Variants in LHFPL6 observed in about 807,000 individuals in gnomAD.
LHFPL6 encodes LHFPL tetraspan subfamily member 6 protein.
A neutral mutation model predicts 20.6 loss-of-function variants in LHFPL6; 9 were observed. The ratio of observed to expected loss-of-function variants is 0.44; its 90% confidence interval spans 0.26 to 0.76. LHFPL6 has a LOEUF of 0.76. Ranked by LOEUF, LHFPL6 falls within the 30% of genes least tolerant of loss-of-function variation. The probability of loss-of-function intolerance (pLI) is 0.20; values close to 1 mark genes in which losing one functional copy is unlikely to be tolerated. For synonymous variants in LHFPL6, 105 were observed against 98.7 expected, an observed-to-expected ratio of 1.06 and a Z score of -0.38; for missense variants, 218 against 253.5, an observed-to-expected ratio of 0.86 and a Z score of 0.95.
At chr13:39,584,606 CTAGAGTTAATA>C (rs1872390935) in intron 2 of LHFPL6, among the ~76,000 whole-genome samples, 1 of 150,110 alleles carries the variant, frequency 6.7e-6, no homozygotes, top group Non-Finnish European at 1.5e-5. Flanking sequence ...TCCTTTAAGA[CTAGAGTTAATA>C]TTCTTCTTTG....
At chr13:39,560,073 A>G (rs1359700458) in intron 2 of LHFPL6, among the ~76,000 whole-genome samples, 1 of 152,182 alleles carries the variant, frequency 6.6e-6, no homozygotes, top group Non-Finnish European at 1.5e-5. Context: ...GAGAAAAGGC[A>G]CTTGGCAATC....
intron 2 of LHFPL6, among the ~76,000 whole-genome samples, chr13:39,510,324 A>C (rs982240556): frequency 6.6e-6 from 1 of 152,188 alleles, no homozygotes; most frequent in African/African-American, 2.4e-5. Flanking sequence ...TTTGTCCTTA[A>C]TTATAAAACC....
At chr13:39,490,241 ATGCAGGAAT>A (rs1040250917) in intron 2 of LHFPL6, among the ~76,000 whole-genome samples, 3 of 152,228 alleles carry the variant, frequency 2.0e-5, no homozygotes, top group African/African-American at 7.2e-5. Context: ...ATTCCAAAAC[ATGCAGGAAT>A]TGCAGGAATT....
intron 2 of LHFPL6, among the ~76,000 whole-genome samples, chr13:39,539,734 T>C (rs1471458829): frequency 6.6e-6 from 1 of 152,214 alleles, no homozygotes; most frequent in African/African-American, 2.4e-5. Context: ...TGAGCAATCC[T>C]TTAAGAATGA....
intron 2 of LHFPL6, among the ~76,000 whole-genome samples, chr13:39,538,837 C>T (rs1055713390): frequency 5.9e-5 from 9 of 152,034 alleles, no homozygotes; most frequent in Non-Finnish European, 1.0e-4. Context: ...GTAAGGATAC[C>T]TGCAATTTAC....
intron 2 of LHFPL6, among the ~76,000 whole-genome samples, chr13:39,414,511 T>C (rs1871303207): frequency 6.6e-6 from 1 of 152,188 alleles, no homozygotes; most frequent in African/African-American, 2.4e-5. Context: ...CATGGTGGAT[T>C]TGGGCTGGAG....
At chr13:39,359,798 A>G (rs987619016) in intron 3 of LHFPL6, among the ~76,000 whole-genome samples, 1 of 152,120 alleles carries the variant, frequency 6.6e-6, no homozygotes, top group Non-Finnish European at 1.5e-5. Context: ...AAAGAAAAAA[A>G]AAACTGCAGC....
At chr13:39,424,056 T>C (rs1373259089) in intron 2 of LHFPL6, among the ~76,000 whole-genome samples, 3 of 152,224 alleles carry the variant, frequency 2.0e-5, no homozygotes, top group Non-Finnish European at 2.9e-5. Context: ...TGAGCCAGCA[T>C]ATGTATTATT....
intron 2 of LHFPL6, among the ~76,000 whole-genome samples, chr13:39,473,239 G>A (rs373040870): frequency 6.6e-6 from 1 of 151,148 alleles, no homozygotes; most frequent in Non-Finnish European, 1.5e-5. Context: ...TTTTGATGCC[G>A]CCTTACTTGA....
At chr13:39,581,535 A>C (rs1310098810) in intron 2 of LHFPL6, among the ~76,000 whole-genome samples, 26 of 149,930 alleles carry the variant, frequency 1.7e-4, no homozygotes, top group Middle Eastern at 3.4e-3. Flanking sequence ...CATGAGACAA[A>C]AAAAAAAAAA....
rs530299959 is a variant in LHFPL6 at position 39,575,024 on chromosome 13, T to C, written c.385+25808A>G. Among the ~76,000 whole-genome samples, 239 of 152,062 alleles carry C rather than the reference T, an allele frequency of 1.6e-3. 1 individual carries two copies. Among genetic ancestry groups the C allele is most frequent in the African/African-American group, 5.5e-3 (229 of 41,470 alleles). Reference sequence around the variant, plus strand: ...AGGCAGAGGTTGCAGTGAGCCGAGATAGCGCTACTGCACTTTGGCCTCGCG... The same window carrying C: ...AGGCAGAGGTTGCAGTGAGCCGAGACAGCGCTACTGCACTTTGGCCTCGCG... On this transcript the variant is annotated intron_variant, in intron 2 of 3. Transcript: ENST00000379589.
chr13:39,424,583 T>G (rs895431582), intron 2 of LHFPL6, among the ~76,000 whole-genome samples: 4 of 152,196 alleles, frequency 2.6e-5, no homozygotes, highest in African/African-American at 7.2e-5. Flanking sequence ...ATCACCTGTT[T>G]ATGTGCCAGT....
chr13:39,382,937 C>T (rs930509702), intron 2 of LHFPL6, among the ~76,000 whole-genome samples: 5 of 152,016 alleles, frequency 3.3e-5, no homozygotes, highest in African/African-American at 1.2e-4. Context: ...AGAAACATTT[C>T]TGGGAAAAAA....
chr13:39,404,483 A>T (rs1345272707), intron 2 of LHFPL6, among the ~76,000 whole-genome samples: 1 of 152,218 alleles, frequency 6.6e-6, no homozygotes, highest in African/African-American at 2.4e-5. Flanking sequence ...TCACCCAGAC[A>T]GCTTTCAAAA....
At chr13:39,560,504 C>CT (rs376446144) in intron 2 of LHFPL6, among the ~76,000 whole-genome samples, 38,652 of 117,386 alleles carry the variant, frequency 0.33, 7,557 homozygotes, top group Non-Finnish European at 0.42. Context: ...TGCAAATTCT[C>CT]TTTTTTTTTT....
At chr13:39,544,812 T>C (rs185335654) in intron 2 of LHFPL6, among the ~76,000 whole-genome samples, 5 of 152,250 alleles carry the variant, frequency 3.3e-5, no homozygotes, top group Admixed American at 2.0e-4. Flanking sequence ...AAGTTTCAAG[T>C]ATTCTTTCAT....
At position 39,351,897 on chromosome 13, in the gene LHFPL6, C is replaced by T. The variant is rs77499356; in HGVS notation, c.485-7843G>A. Among the ~76,000 whole-genome samples the T allele has an allele frequency of 6.1e-3, 926 of 152,316 alleles. 9 individuals are homozygous for T. The highest frequency in any genetic ancestry group is 0.021 in the African/African-American group (877 of 41,566). ...TTCCTTTTTTGTCTATAAATTTGTA[C>T]TGACCATGAGGCACCCCAGTAGTCT... On this transcript the variant is annotated intron_variant, in intron 3 of 3. Coordinates refer to ENST00000379589, the MANE Select transcript of LHFPL6 (RefSeq NM_005780.3).
In LHFPL6 at chr13:39,511,950, T is replaced by C. The variant is rs538759416; in HGVS notation, c.385+88882A>G. Among the ~76,000 whole-genome samples, 12 of 152,332 alleles carry C rather than the reference T, an allele frequency of 7.9e-5. No homozygotes were observed. In the South Asian group the frequency reaches 1.4e-3, roughly 18 times the overall value. ...AACACCTTCTGAAAGTTATATTTCT[T>C]ACCCATCCCAGTAAATGCCTCGAAA... On this transcript the variant is annotated intron_variant, in intron 2 of 3. Coordinates refer to ENST00000379589, the MANE Select transcript of LHFPL6 (RefSeq NM_005780.3).
intron 2 of LHFPL6, among the ~76,000 whole-genome samples, chr13:39,495,440 A>G (rs1869065876): frequency 6.6e-6 from 1 of 152,186 alleles, no homozygotes; most frequent in Non-Finnish European, 1.5e-5. Flanking sequence ...TGTACATTGT[A>G]GTTCTCAAAT....
Sources: gnomAD v4.1 joint callset for allele counts (sites outside exome capture counted in the v4.1 genomes callset) on GRCh38, gnomAD v4.1.1 for gene constraint, MANE v1.5 for transcripts, NCBI Gene and HGNC (gene_info 2026-07-23, HGNC 2026-07-21) for gene names.